Variants in LARGE1 observed in about 807,000 individuals in gnomAD.
LARGE1 encodes xylosyl- and glucuronyltransferase LARGE1.
LARGE1 carries 43 observed loss-of-function variants against 87.6 expected under a neutral mutation model. That is an observed-to-expected ratio of 0.49 (90% confidence interval 0.38 to 0.63). The LOEUF is 0.63. Among genes scored for constraint, LARGE1 ranks in the 30% least tolerant of loss-of-function variants. The pLI is 0.00. For synonymous variants in LARGE1, 434 were observed against 394.6 expected (o/e 1.10, Z -1.18); for missense variants, 802 against 1,000.2 (o/e 0.80, Z 2.67).
intron 6 of LARGE1, among the ~76,000 whole-genome samples, chr22:33,461,473 G>C (rs887642681): frequency 2.0e-5 from 3 of 151,944 alleles, no homozygotes; most frequent in Admixed American, 1.3e-4. Context: ...ATGACCTTTG[G>C]ACACAGGGCA....
chr22:33,176,378 T>A (rs1602048434), intron 11 of LARGE1, among the ~76,000 whole-genome samples: 1 of 151,948 alleles, frequency 6.6e-6, no homozygotes. Context: ...ACCTACAGAA[T>A]GGGAGAAAAT....
At chr22:33,312,060 AT>A (rs1935657943) in intron 11 of LARGE1, among the ~76,000 whole-genome samples, 1 of 152,182 alleles carries the variant, frequency 6.6e-6, no homozygotes, top group South Asian at 2.1e-4. Flanking sequence ...GAGCCTCTGA[AT>A]GTATGTCAGG....
chr22:33,702,444 G>C (rs1349946994), intron 2 of LARGE1, among the ~76,000 whole-genome samples: 1 of 152,154 alleles, frequency 6.6e-6, no homozygotes, highest in Non-Finnish European at 1.5e-5. Flanking sequence ...AAATAGAAAA[G>C]AAAAGCAATA....
intron 11 of LARGE1, among the ~76,000 whole-genome samples, chr22:33,232,061 A>C (rs377446683): frequency 7.5e-4 from 115 of 152,322 alleles, no homozygotes; most frequent in African/African-American, 2.6e-3. Flanking sequence ...CAGTTAGCAG[A>C]GGGGTCAGGA....
intron 5 of LARGE1, among the ~76,000 whole-genome samples, chr22:33,586,148 T>C (rs922348659): frequency 6.6e-6 from 1 of 152,242 alleles, no homozygotes; most frequent in Non-Finnish European, 1.5e-5. Flanking sequence ...AGTTGAGTTT[T>C]CATTTTTTTC....
intron 1 of LARGE1, among the ~76,000 whole-genome samples, chr22:33,907,322 A>C (rs535035416): frequency 2.0e-4 from 30 of 152,148 alleles, no homozygotes; most frequent in Non-Finnish European, 3.7e-4. Flanking sequence ...TAACATAAAC[A>C]TGTGGTTATG....
intron 8 of LARGE1, among the ~76,000 whole-genome samples, chr22:33,383,886 C>G (rs925364483): frequency 6.6e-6 from 1 of 152,192 alleles, no homozygotes; most frequent in Non-Finnish European, 1.5e-5. Flanking sequence ...CGTCAGTAGA[C>G]GCTAAGCTCT....
At chr22:33,294,382 C>G (rs1047972690) in intron 12 of LARGE1, among the ~76,000 whole-genome samples, 1 of 152,166 alleles carries the variant, frequency 6.6e-6, no homozygotes, top group African/African-American at 2.4e-5. Context: ...ACTGTTTAAT[C>G]AAACCTGAGT....
chr22:33,749,844 G>A (rs12329992), intron 2 of LARGE1, among the ~76,000 whole-genome samples: 2,457 of 152,166 alleles, frequency 0.016, 70 homozygotes, highest in African/African-American at 0.057. Context: ...TGAGCATATC[G>A]ACTTTGAAAT....
chr22:33,259,717 T>A (rs780445092), intron 11 of LARGE1, among the ~76,000 whole-genome samples: 9 of 152,270 alleles, frequency 5.9e-5, no homozygotes, highest in Non-Finnish European at 1.3e-4. Context: ...TGATGACAAT[T>A]CAATGGTGAG....
chr22:33,774,886 G>A, intron 1 of LARGE1, among the ~76,000 whole-genome samples: 1 of 152,136 alleles, frequency 6.6e-6, no homozygotes, highest in Non-Finnish European at 1.5e-5. Context: ...GACTGTGCAG[G>A]TTTCAGTATT....
intron 11 of LARGE1, among the ~76,000 whole-genome samples, chr22:33,200,913 C>T (rs994075354): frequency 1.3e-5 from 2 of 152,010 alleles, no homozygotes; most frequent in Non-Finnish European, 2.9e-5. Flanking sequence ...TTGTGAATAT[C>T]CTAAAAAATC....
chr22:33,800,920 G>A (rs186375238), intron 1 of LARGE1, among the ~76,000 whole-genome samples: 187 of 152,182 alleles, frequency 1.2e-3, no homozygotes, highest in African/African-American at 3.9e-3. Flanking sequence ...TGGATCATAC[G>A]GTGATATGGT....
At chr22:33,517,794 C>T (rs182239583) in intron 6 of LARGE1, among the ~76,000 whole-genome samples, 191 of 152,330 alleles carry the variant, frequency 1.3e-3, no homozygotes, top group Non-Finnish European at 1.9e-3. Context: ...AAGGAGAATG[C>T]ATGGCCTCAG....
At chr22:33,687,670 G>T (rs1016355474) in intron 2 of LARGE1, among the ~76,000 whole-genome samples, 2 of 152,096 alleles carry the variant, frequency 1.3e-5, no homozygotes, top group East Asian at 1.9e-4. Context: ...GTTATGTCAC[G>T]TGCTAGGGAA....
At position 33,455,276 on chromosome 22, in the gene LARGE1, C is replaced by G. The variant is rs184010577; in HGVS notation, c.788-23011G>C. Among the ~76,000 whole-genome samples, 5 of 152,336 alleles carry G rather than the reference C, an allele frequency of 3.3e-5. No individual in the cohort carries two copies. The South Asian group carries it at 1.0e-3, about 32-fold the overall frequency. Reference sequence around the variant, plus strand: ...AGCAGCACTCTGGTATGTCCACACACTGCTGTTTCCACCACCTGGGCTGGG... The same window carrying G: ...AGCAGCACTCTGGTATGTCCACACAGTGCTGTTTCCACCACCTGGGCTGGG... On this transcript the variant is annotated intron_variant, in intron 6 of 14. Coordinates refer to ENST00000397394, the MANE Select transcript of LARGE1 (RefSeq NM_133642.5).
At chr22:33,714,179 A>T (rs10427855) in intron 2 of LARGE1, among the ~76,000 whole-genome samples, 4,012 of 152,244 alleles carry the variant, frequency 0.026, 190 homozygotes, top group African/African-American at 0.092. Context: ...CCAGCAGGCC[A>T]GAAATGTTGC....
intron 6 of LARGE1, among the ~76,000 whole-genome samples, chr22:33,517,700 C>A (rs1454144111): frequency 6.6e-6 from 1 of 152,180 alleles, no homozygotes; most frequent in Non-Finnish European, 1.5e-5. Flanking sequence ...TGCCGGGCCG[C>A]CCAGAGAATT....
At chr22:33,226,761 G>A (rs930033082) in intron 11 of LARGE1, among the ~76,000 whole-genome samples, 7 of 150,650 alleles carry the variant, frequency 4.6e-5, no homozygotes, top group East Asian at 1.9e-4. Flanking sequence ...ACGGAGTCCC[G>A]CTCTTTAGCC....
Sources: gnomAD v4.1 joint callset for allele counts (sites outside exome capture counted in the v4.1 genomes callset) on GRCh38, gnomAD v4.1.1 for gene constraint, MANE v1.5 for transcripts, NCBI Gene and HGNC (gene_info 2026-07-23, HGNC 2026-07-21) for gene names.